The following SPPL3 variants were observed in gnomAD, a reference collection of about 807,000 sequenced individuals.
SPPL3 encodes the protein signal peptide peptidase like 3.
A neutral mutation model predicts 42.4 loss-of-function variants in SPPL3; 5 were observed. That is an observed-to-expected ratio of 0.12 (90% CI 0.06 to 0.25). The LOEUF (loss-of-function observed/expected upper bound fraction) is 0.25, where lower values mean the gene tolerates loss of function less well. SPPL3 is among the 10% of genes least tolerant of loss of function. The pLI, the probability that SPPL3 is intolerant of heterozygous loss-of-function variation, is 1.00. For missense variants in SPPL3, 235 were observed against 489.0 expected (o/e 0.48, Z 4.90); for synonymous variants, 195 against 181.8 (o/e 1.07, Z -0.58).
chr12:120,874,567 A>G (rs765923986), intron 1 of SPPL3, among the ~76,000 whole-genome samples: 1 of 152,184 alleles, frequency 6.6e-6, no homozygotes, highest in Non-Finnish European at 1.5e-5. Context: ...AAAATGCCTG[A>G]TAACAGCAGC....
intron 2 of SPPL3, among the ~76,000 whole-genome samples, chr12:120,796,518 T>C (rs1870102946): frequency 6.6e-6 from 1 of 152,218 alleles, no homozygotes; most frequent in African/African-American, 2.4e-5. Context: ...ATTTTCCTCA[T>C]CCTGGGTCAT....
intron 2 of SPPL3, among the ~76,000 whole-genome samples, chr12:120,810,373 T>C (rs1324264780): frequency 4.8e-5 from 7 of 144,732 alleles, no homozygotes; most frequent in South Asian, 2.2e-4. Flanking sequence ...GACTACACTT[T>C]CATTTTTGGT....
intron 1 of SPPL3, among the ~76,000 whole-genome samples, chr12:120,817,146 T>C (rs1219015044): frequency 1.4e-5 from 2 of 146,228 alleles, no homozygotes; most frequent in African/African-American, 5.3e-5. Context: ...AAAAAAAAAA[T>C]CAGCCAGGCA....
chr12:120,850,595 G>C (rs1163374690), intron 1 of SPPL3, among the ~76,000 whole-genome samples: 2 of 151,780 alleles, frequency 1.3e-5, no homozygotes, highest in Non-Finnish European at 2.9e-5. Flanking sequence ...GTGGACGTTA[G>C]GGTTTTTCAA....
At chr12:120,798,712 T>C (rs537486554) in intron 2 of SPPL3, among the ~76,000 whole-genome samples, 21 of 152,334 alleles carry the variant, frequency 1.4e-4, no homozygotes, top group African/African-American at 2.9e-4. Flanking sequence ...ATAACTACAC[T>C]TGTTATATTC....
chr12:120,899,235 T>C (rs953756786), intron 1 of SPPL3, among the ~76,000 whole-genome samples: 2 of 152,368 alleles, frequency 1.3e-5, no homozygotes, highest in South Asian at 4.1e-4. Context: ...TAGCTTTTAT[T>C]TAGAACTTTA....
chr12:120,885,272 T>G (rs1873417212), intron 1 of SPPL3, among the ~76,000 whole-genome samples: 1 of 152,184 alleles, frequency 6.6e-6, no homozygotes. Flanking sequence ...ATAAACTGAT[T>G]AAAAAGATAG....
rs201143413 is a variant in SPPL3 at position 120,803,360 on chromosome 12, T to C, written c.101+7449A>G. On this transcript the variant is annotated intron_variant, in intron 2 of 10. Coordinates refer to ENST00000353487, the MANE Select transcript of SPPL3 (RefSeq NM_139015.5). ...GAAATCGGGCAGTGAAGAGCACAAA[T>C]AAACAATTGTAGGAAGCAAAATGGA... Among the ~76,000 whole-genome samples, 5 of 152,168 alleles carry C rather than the reference T, an allele frequency of 3.3e-5. No homozygotes were observed. The East Asian group carries it at 7.7e-4, about 23-fold the overall frequency.
At chr12:120,871,747 C>A (rs973459257) in intron 1 of SPPL3, among the ~76,000 whole-genome samples, 3 of 151,978 alleles carry the variant, frequency 2.0e-5, no homozygotes, top group Non-Finnish European at 4.4e-5. Context: ...GAATGAAACT[C>A]CGTCTCAGGG....
chr12:120,822,291 T>C (rs945233129), intron 1 of SPPL3, among the ~76,000 whole-genome samples: 1 of 152,246 alleles, frequency 6.6e-6, no homozygotes, highest in African/African-American at 2.4e-5. Flanking sequence ...TAACAACTTT[T>C]ATAAAACTTA....
At chr12:120,798,840 C>T (rs1398549535) in intron 2 of SPPL3, among the ~76,000 whole-genome samples, 2 of 152,134 alleles carry the variant, frequency 1.3e-5, no homozygotes, top group Non-Finnish European at 2.9e-5. Flanking sequence ...CATTATATCG[C>T]TATTCTGGAT....
chr12:120,902,776 A>G (rs1030325108), intron 1 of SPPL3, among the ~76,000 whole-genome samples: 5 of 152,108 alleles, frequency 3.3e-5, no homozygotes, highest in African/African-American at 9.7e-5. Flanking sequence ...CTAAATTGCA[A>G]TCAGGTCCCC....
intron 1 of SPPL3, among the ~76,000 whole-genome samples, chr12:120,875,656 C>A (rs1172416360): frequency 6.8e-6 from 1 of 146,608 alleles, no homozygotes. Flanking sequence ...AATGGAATCA[C>A]AAAAATACTT....
intron 2 of SPPL3, among the ~76,000 whole-genome samples, chr12:120,810,031 A>C (rs1039146286): frequency 1.3e-5 from 2 of 151,806 alleles, no homozygotes; most frequent in Admixed American, 6.6e-5. Context: ...GGAGTGCAGC[A>C]GTGTGATCAT....
At chr12:120,882,530 C>A (rs564725341) in intron 1 of SPPL3, among the ~76,000 whole-genome samples, 1 of 152,044 alleles carries the variant, frequency 6.6e-6, no homozygotes, top group African/African-American at 2.4e-5. Flanking sequence ...TATAAGCTTT[C>A]TTGAGACAGG....
chr12:120,833,572 A>G (rs112586655), intron 1 of SPPL3, among the ~76,000 whole-genome samples: 6 of 150,978 alleles, frequency 4.0e-5, no homozygotes, highest in East Asian at 3.9e-4. Flanking sequence ...GCTCATGCCT[A>G]TAATTCCAGC....
At chr12:120,897,599 T>C (rs1873849245) in intron 1 of SPPL3, among the ~76,000 whole-genome samples, 1 of 152,086 alleles carries the variant, frequency 6.6e-6, no homozygotes, top group Non-Finnish European at 1.5e-5. Flanking sequence ...GGCGGGTGCC[T>C]GTAGTCCCAG....
intron 1 of SPPL3, among the ~76,000 whole-genome samples, chr12:120,858,786 A>G (rs952530130): frequency 1.3e-5 from 2 of 152,158 alleles, no homozygotes; most frequent in Admixed American, 6.5e-5. Flanking sequence ...ACTAAAAACA[A>G]TAACTAAAGA....
intron 2 of SPPL3, among the ~76,000 whole-genome samples, chr12:120,802,353 A>ATGTG (rs1447019530): frequency 6.8e-5 from 10 of 146,478 alleles, no homozygotes; most frequent in South Asian, 4.3e-4. Context: ...GTATGTATGT[A>ATGTG]TGTGTGTATA....
Sources: allele counts gnomAD v4.1 joint callset (sites outside exome capture counted in the v4.1 genomes callset), GRCh38; gene constraint gnomAD v4.1.1; transcripts MANE v1.5; gene names NCBI Gene and HGNC (gene_info 2026-07-23, HGNC 2026-07-21).